OTUD7A: variants seen among roughly 807,000 people sequenced by gnomAD.
OTUD7A encodes OTU domain-containing protein 7A.
Under a neutral mutation model 65.7 loss-of-function variants are expected in OTUD7A, and 12 were observed. That is an observed-to-expected ratio of 0.18 (90% CI 0.12 to 0.30). OTUD7A has a LOEUF of 0.30. OTUD7A is among the 10% of genes least tolerant of loss of function. The probability of loss-of-function intolerance (pLI) is 1.00; values close to 1 mark genes in which losing one functional copy is unlikely to be tolerated. For synonymous variants in OTUD7A, 641 were observed against 586.3 expected, an observed-to-expected ratio of 1.09 and a Z score of -1.35; for missense variants, 1,148 against 1,304.8, an observed-to-expected ratio of 0.88 and a Z score of 1.85.
chr15:31,854,458 T>G (rs1009811250), intron 1 of OTUD7A, among the ~76,000 whole-genome samples: 3 of 152,132 alleles, frequency 2.0e-5, no homozygotes, highest in Admixed American at 6.6e-5. Context: ...GAGAAACGTT[T>G]CCCTCTTCTT....
chr15:31,843,975 G>A lies in OTUD7A; in HGVS notation c.-100+26532C>T, dbSNP rs1168944001. Among the ~76,000 whole-genome samples the A allele has an allele frequency of 3.3e-5, 5 of 152,198 alleles. No homozygotes were observed. In the East Asian group the frequency reaches 5.8e-4, roughly 18 times the overall value. ...AGGGCCATGACCTCAGGGGAGCAGG[G>A]CCACACCTTCAAGTTTTCCAATCAA... On this transcript the variant is annotated intron_variant, in intron 1 of 12. Transcript: ENST00000307050.
At chr15:31,583,749 C>T (rs1341276038) in intron 3 of OTUD7A, among the ~76,000 whole-genome samples, 5 of 152,040 alleles carry the variant, frequency 3.3e-5, no homozygotes, top group African/African-American at 1.2e-4. Context: ...TCAGATATGT[C>T]TTTATCAGCA....
At chr15:31,627,776 C>G (rs146122907) in intron 3 of OTUD7A, among the ~76,000 whole-genome samples, 1 of 152,104 alleles carries the variant, frequency 6.6e-6, no homozygotes, top group African/African-American at 2.4e-5. Context: ...TTTTAATGAT[C>G]GCCATTCTAA....
intron 3 of OTUD7A, among the ~76,000 whole-genome samples, chr15:31,589,334 C>G (rs971914458): frequency 2.0e-5 from 3 of 149,254 alleles, no homozygotes; most frequent in South Asian, 2.1e-4. Context: ...GGGTCTTACT[C>G]TGTCACACAG....
chr15:31,650,952 ACTGG>A lies in OTUD7A; in HGVS notation c.151+4140_151+4143del, dbSNP rs1566960655. On this transcript the variant is annotated intron_variant, in intron 3 of 12. Coordinates refer to ENST00000307050, the MANE Select transcript of OTUD7A (RefSeq NM_001382637.1). ...AATCAACTACAAAAATAGAAAACAC[ACTGG>A]CTGGGCTCACTACTGGGATGAAGAT... Among the ~76,000 whole-genome samples the A allele has an allele frequency of 3.3e-5, 5 of 151,250 alleles. No individual in the cohort carries two copies. In the East Asian group the frequency reaches 9.9e-4, roughly 30 times the overall value.
intron 8 of OTUD7A, among the ~76,000 whole-genome samples, chr15:31,510,483 G>GTATGTATATCTATATGTAACATACTTATA (rs2041670752): frequency 7.4e-6 from 1 of 135,950 alleles, no homozygotes; most frequent in South Asian, 2.3e-4. Flanking sequence ...ATATATATAT[G>GTATGTATATCTATATGTAACATACTTATA]TATGTATATC....
intron 1 of OTUD7A, among the ~76,000 whole-genome samples, chr15:31,727,454 T>C (rs1463893682): frequency 1.3e-5 from 2 of 152,214 alleles, no homozygotes; most frequent in Non-Finnish European, 2.9e-5. Flanking sequence ...ACCTTTAGTA[T>C]TCAATAGGTA....
chr15:31,536,449 A>G (rs1442162405), intron 5 of OTUD7A, among the ~76,000 whole-genome samples: 9 of 152,232 alleles, frequency 5.9e-5, no homozygotes, highest in Admixed American at 5.2e-4. Flanking sequence ...AGGGCCTTCA[A>G]CACTTTGGGA....
At chr15:31,669,963 C>G (rs1412425675) in intron 1 of OTUD7A, among the ~76,000 whole-genome samples, 3 of 143,562 alleles carry the variant, frequency 2.1e-5, no homozygotes, top group Admixed American at 2.1e-4. Flanking sequence ...TCTCCCTTTT[C>G]CACTTCCGCA....
intron 3 of OTUD7A, among the ~76,000 whole-genome samples, chr15:31,589,022 G>A (rs1450683263): frequency 6.6e-6 from 1 of 152,238 alleles, no homozygotes; most frequent in Non-Finnish European, 1.5e-5. Context: ...ACATTGAAGT[G>A]CAAGGGAGAC....
At chr15:31,781,149 G>A (rs970597209) in intron 1 of OTUD7A, among the ~76,000 whole-genome samples, 1 of 152,122 alleles carries the variant, frequency 6.6e-6, no homozygotes, top group African/African-American at 2.4e-5. Context: ...AGTGGGCTCA[G>A]GACTGCTAGG....
chr15:31,612,600 C>A (rs559615847), intron 3 of OTUD7A, among the ~76,000 whole-genome samples: 2 of 152,152 alleles, frequency 1.3e-5, no homozygotes, highest in Admixed American at 1.3e-4. Context: ...AGGAGAAAGA[C>A]CTCTACAAAG....
chr15:31,608,582 C>A (rs1890303870), intron 3 of OTUD7A, among the ~76,000 whole-genome samples: 1 of 152,126 alleles, frequency 6.6e-6, no homozygotes, highest in African/African-American at 2.4e-5. Context: ...GGAGTTATGT[C>A]CCAACAAACC....
chr15:31,534,793 C>T (rs1489885957), intron 5 of OTUD7A, among the ~76,000 whole-genome samples: 1 of 152,206 alleles, frequency 6.6e-6, no homozygotes, highest in Non-Finnish European at 1.5e-5. Context: ...CGCCGACATA[C>T]ACCCAAATCT....
At chr15:31,796,165 G>GTGTGTGTA (rs1446178937) in intron 1 of OTUD7A, among the ~76,000 whole-genome samples, 1 of 147,892 alleles carries the variant, frequency 6.8e-6, no homozygotes, top group Non-Finnish European at 1.5e-5. Flanking sequence ...GTGTGTGTGT[G>GTGTGTGTA]TATCTATGTA....
Position 31,838,726 on chromosome 15 carries a change from C to T in OTUD7A, c.-100+31781G>A, listed in dbSNP as rs1020499331. 3.3e-5 allele frequency among the ~76,000 whole-genome samples: 5 copies of T among 151,418 alleles called. No homozygotes were observed. The East Asian group carries it at 7.8e-4, about 24-fold the overall frequency. ...CTCCTAAGTGATCCTGAGGGACCCC[C>T]ATTACTCCTAAGTGATCTTGAGGGG... On this transcript the variant is annotated intron_variant, in intron 1 of 12. Coordinates refer to ENST00000307050, the MANE Select transcript of OTUD7A (RefSeq NM_001382637.1).
chr15:31,834,771 T>A (rs1031718810), intron 1 of OTUD7A, among the ~76,000 whole-genome samples: 1 of 152,220 alleles, frequency 6.6e-6, no homozygotes, highest in Non-Finnish European at 1.5e-5. Context: ...CCAGGAAGTA[T>A]GTAAAAGTGG....
At chr15:31,731,063 T>C (rs952346696) in intron 1 of OTUD7A, among the ~76,000 whole-genome samples, 5 of 152,216 alleles carry the variant, frequency 3.3e-5, no homozygotes, top group Non-Finnish European at 7.3e-5. Flanking sequence ...TCAGGGGATG[T>C]GCAGCACCAG....
At chr15:31,662,352 G>C (rs1308283260) in intron 1 of OTUD7A, among the ~76,000 whole-genome samples, 3 of 152,154 alleles carry the variant, frequency 2.0e-5, no homozygotes, top group Non-Finnish European at 4.4e-5. Context: ...GGACAAGTTG[G>C]TTCACTAGCT....
Sources: allele counts gnomAD v4.1 joint callset (sites outside exome capture counted in the v4.1 genomes callset), GRCh38; gene constraint gnomAD v4.1.1; transcripts MANE v1.5; gene names NCBI Gene and HGNC (gene_info 2026-07-23, HGNC 2026-07-21).